Variants in KIF26B observed in about 807,000 individuals in gnomAD.
KIF26B encodes the protein kinesin-like protein KIF26B.
In KIF26B, 63 loss-of-function variants were observed where a neutral mutation model predicts 151.2. The observed-to-expected ratio is 0.42, with a 90% CI of 0.34 to 0.51. KIF26B has a LOEUF of 0.51. Ranked by LOEUF, KIF26B falls within the 20% of genes least tolerant of loss-of-function variation. KIF26B has a pLI of 0.07. For missense variants in KIF26B, 2,813 were observed against 2,913.6 expected (o/e 0.97, Z 0.79); for synonymous variants, 1,357 against 1,262.1 (o/e 1.08, Z -1.59).
intron 4 of KIF26B, among the ~76,000 whole-genome samples, chr1:245,430,619 A>G (rs1756920): frequency 0.15 from 23,316 of 152,030 alleles, 1,950 homozygotes; most frequent in African/African-American, 0.22. Flanking sequence ...GTGAGCTACG[A>G]TCTCACCAGG....
intron 2 of KIF26B, among the ~76,000 whole-genome samples, chr1:245,220,911 T>C (rs1344182878): frequency 6.6e-6 from 1 of 152,008 alleles, no homozygotes; most frequent in African/African-American, 2.4e-5. Context: ...ATCTGCAGGA[T>C]GCTCAAGTTG....
In KIF26B at chr1:245,629,421, A is replaced by G. The variant is rs192594279; in HGVS notation, c.2099-16700A>G. ...GACATATAGACCAATGGAACAGAAC[A>G]GAGACCTCAGAAATAACACTACACA... On this transcript the variant is annotated intron_variant, in intron 9 of 14. Transcript: ENST00000407071. Among the ~76,000 whole-genome samples, 733 of 152,338 alleles carry G rather than the reference A, an allele frequency of 4.8e-3. 3 individuals carry two copies. Among genetic ancestry groups the G allele is most frequent in the Middle Eastern group, 0.021 (6 of 292 alleles).
intron 4 of KIF26B, among the ~76,000 whole-genome samples, chr1:245,465,270 G>A (rs1659760210): frequency 6.6e-6 from 1 of 152,140 alleles, no homozygotes; most frequent in Non-Finnish European, 1.5e-5. Context: ...GAGCCACCGC[G>A]CCCGGACCCA....
At chr1:245,464,940 G>A (rs1659745452) in intron 4 of KIF26B, among the ~76,000 whole-genome samples, 1 of 152,032 alleles carries the variant, frequency 6.6e-6, no homozygotes, top group Admixed American at 6.5e-5. Flanking sequence ...GCTGCAGGCT[G>A]CCCGGGCACC....
chr1:245,642,628 A>G (rs1436556040), intron 9 of KIF26B, among the ~76,000 whole-genome samples: 1 of 151,398 alleles, frequency 6.6e-6, no homozygotes, highest in African/African-American at 2.4e-5. Flanking sequence ...TCAAATGGGC[A>G]TGCATCTTCT....
At chr1:245,664,837 GTCAGGGCGTTTTTCTCCTT>G (rs2044195997) in intron 10 of KIF26B, among the ~76,000 whole-genome samples, 1 of 151,986 alleles carries the variant, frequency 6.6e-6, no homozygotes, top group African/African-American at 2.4e-5. Context: ...TATTGTTAAT[GTCAGGGCGTTTTTCTCCTT>G]CACATAATCC....
At chr1:245,522,381 G>A (rs145574975) in intron 4 of KIF26B, among the ~76,000 whole-genome samples, 100 of 152,258 alleles carry the variant, frequency 6.6e-4, no homozygotes, top group African/African-American at 2.1e-3. Flanking sequence ...TTGATTTTGC[G>A]CACATGCTCT....
chr1:245,635,668 T>G (rs1283294340), intron 9 of KIF26B, among the ~76,000 whole-genome samples: 3 of 152,062 alleles, frequency 2.0e-5, no homozygotes, highest in African/African-American at 7.2e-5. Context: ...TCTGCTATTA[T>G]TTTGTCTATA....
intron 2 of KIF26B, among the ~76,000 whole-genome samples, chr1:245,214,391 A>G (rs1220780250): frequency 2.6e-5 from 4 of 152,192 alleles, no homozygotes; most frequent in African/African-American, 9.6e-5. Flanking sequence ...CATTTTTTTA[A>G]TATCATCATA....
intron 4 of KIF26B, among the ~76,000 whole-genome samples, chr1:245,506,808 G>T (rs1377884420): frequency 6.6e-6 from 1 of 152,176 alleles, no homozygotes; most frequent in Non-Finnish European, 1.5e-5. Flanking sequence ...AGCCTCCCAA[G>T]TAGCTGGGAT....
intron 9 of KIF26B, among the ~76,000 whole-genome samples, chr1:245,622,078 T>A (rs1236691182): frequency 6.7e-6 from 1 of 150,276 alleles, no homozygotes; most frequent in Non-Finnish European, 1.5e-5. Context: ...TATCTGAGCT[T>A]CTCCTGTCTA....
chr1:245,670,736 G>A (rs775692692), intron 10 of KIF26B, among the ~76,000 whole-genome samples: 2 of 152,136 alleles, frequency 1.3e-5, no homozygotes, highest in Admixed American at 6.6e-5. Flanking sequence ...TGGGTACATA[G>A]TAGGTGAATA....
intron 10 of KIF26B, among the ~76,000 whole-genome samples, chr1:245,665,842 G>A (rs1005737655): frequency 1.3e-5 from 2 of 150,658 alleles, no homozygotes; most frequent in Non-Finnish European, 3.0e-5. Context: ...GCACCACCAT[G>A]CCCAGCTAAT....
At chr1:245,573,041 A>G (rs1175905594) in intron 5 of KIF26B, among the ~76,000 whole-genome samples, 2 of 152,230 alleles carry the variant, frequency 1.3e-5, no homozygotes, top group Non-Finnish European at 2.9e-5. Flanking sequence ...TTGTCCAACT[A>G]AAACACACAC....
intron 3 of KIF26B, among the ~76,000 whole-genome samples, chr1:245,393,692 C>G (rs1673754572): frequency 6.6e-6 from 1 of 152,190 alleles, no homozygotes; most frequent in South Asian, 2.1e-4. Flanking sequence ...AAAGACTCTT[C>G]TAATTTCCAG....
At chr1:245,291,307 T>A (rs1037668640) in intron 2 of KIF26B, among the ~76,000 whole-genome samples, 1 of 152,194 alleles carries the variant, frequency 6.6e-6, no homozygotes, top group Non-Finnish European at 1.5e-5. Context: ...TTGCAAACAA[T>A]CTATTATTCT....
intron 9 of KIF26B, among the ~76,000 whole-genome samples, chr1:245,614,458 C>A (rs1402155109): frequency 2.0e-5 from 3 of 152,248 alleles, no homozygotes; most frequent in Non-Finnish European, 4.4e-5. Flanking sequence ...CAGGCGTGAG[C>A]CACCGCACCT....
intron 10 of KIF26B, among the ~76,000 whole-genome samples, chr1:245,653,579 G>A (rs146915134): frequency 4.1e-4 from 63 of 152,226 alleles, no homozygotes; most frequent in African/African-American, 1.5e-3. Context: ...ACACAGAAAG[G>A]TTGAGTATCT....
intron 2 of KIF26B, among the ~76,000 whole-genome samples, chr1:245,319,175 G>A (rs1383078747): frequency 6.6e-6 from 1 of 152,222 alleles, no homozygotes; most frequent in African/African-American, 2.4e-5. Context: ...CCATGTATAT[G>A]TGTAGCATGT....
Sources: allele counts gnomAD v4.1 joint callset (sites outside exome capture counted in the v4.1 genomes callset), GRCh38; gene constraint gnomAD v4.1.1; transcripts MANE v1.5; gene names NCBI Gene and HGNC (gene_info 2026-07-23, HGNC 2026-07-21).